The following NLRP5 variants were observed in gnomAD, a reference collection of about 807,000 sequenced individuals.
NLRP5 encodes the protein NLR family pyrin domain containing 5, also known as NACHT, LRR and PYD domains-containing protein 5.
Under a neutral mutation model 113.1 loss-of-function variants are expected in NLRP5, and 93 were observed. The observed-to-expected ratio is 0.82, with a 90% CI of 0.70 to 0.98. The LOEUF (loss-of-function observed/expected upper bound fraction) is 0.98. NLRP5 is among the 50% of genes least tolerant of loss of function. NLRP5 has a pLI of 0.00. For missense variants in NLRP5, 1,808 were observed against 1,514.3 expected (o/e 1.19, Z -3.22); for synonymous variants, 751 against 600.7 (o/e 1.25, Z -3.66).
At position 56,032,527 on chromosome 19, in the gene NLRP5, G is replaced by A. The variant is rs527789634; in HGVS notation, c.2277-84G>A. ...CACCGTGGTCTCACCTCGAGAGCTC[G>A]GTCCCTCTCCTCCGACGTGTTGCCA... On this transcript the variant is annotated intron_variant, in intron 7 of 14. Transcript: ENST00000390649. The A allele has an allele frequency of 4.4e-5, 57 of 1,290,852 alleles. No individual in the cohort carries two copies. In the East Asian group the frequency reaches 8.3e-4, roughly 19 times the overall value. The allele number at this position is 1,290,852 out of a possible 1,614,324, so 80.0% of individuals were successfully genotyped here.
rs1453981429 is a variant in NLRP5 at position 56,058,126 on chromosome 19, T to G, written c.3300-114T>G. 4 of 784,882 alleles carry G rather than the reference T, an allele frequency of 5.1e-6. No homozygotes were observed. In the East Asian group the frequency reaches 1.1e-4, roughly 21 times the overall value. 48.6% of individuals were successfully genotyped at this position (784,882 alleles called of 1,614,324 possible). Reference sequence around the variant, plus strand: ...CCACCAGTTTCATTTTTTGTTTGTTTTTGTTTTGTTTTGTTTTCCCAAAGA... The same window carrying G: ...CCACCAGTTTCATTTTTTGTTTGTTGTTGTTTTGTTTTGTTTTCCCAAAGA... On this transcript the variant is annotated intron_variant, in intron 13 of 14. Coordinates refer to ENST00000390649, the MANE Select transcript of NLRP5 (RefSeq NM_153447.4).
chr19:56,024,512 T>C (rs895986253), intron 6 of NLRP5, among the ~76,000 whole-genome samples: 54 of 63,110 alleles, frequency 8.6e-4, no homozygotes, highest in African/African-American at 3.8e-3. Context: ...TATATGTATA[T>C]GTGTATGTAT....
chr19:56,005,667 A>G (rs1981881642), intron 2 of NLRP5, among the ~76,000 whole-genome samples: 1 of 152,142 alleles, frequency 6.6e-6, no homozygotes, highest in Non-Finnish European at 1.5e-5. Context: ...ATGCCTGCAC[A>G]TCCGTGACCT....
At chr19:56,010,344 G>C (rs757902335) in intron 3 of NLRP5, among the ~76,000 whole-genome samples, 1 of 152,140 alleles carries the variant, frequency 6.6e-6, no homozygotes, top group Non-Finnish European at 1.5e-5. Context: ...TGTTATCCAC[G>C]TACAAAGATG....
At position 56,030,711 on chromosome 19, in the gene NLRP5, C is replaced by CTTTTTTTTTTTTTTTTTTTTTTTTTTT. The variant is rs1251579019; in HGVS notation, c.2277-1898_2277-1897insTTTTTTTTTTTTTTTTTTTTTTTTTTT. ...TATACTTACATTCATTCGCTTTCTT[C>CTTTTTTTTTTTTTTTTTTTTTTTTTTT]TTCTTTTTTTTTTTTTTTTTTGAGA... On this transcript the variant is annotated intron_variant, in intron 7 of 14. Transcript: ENST00000390649. Among the ~76,000 whole-genome samples the CTTTTTTTTTTTTTTTTTTTTTTTTTTT allele has an allele frequency of 6.3e-5, 3 of 47,766 alleles. 1 individual carries two copies. Among genetic ancestry groups the CTTTTTTTTTTTTTTTTTTTTTTTTTTT allele is most frequent in the African/African-American group, 1.8e-4 (1 of 5,600 alleles). The allele number at this position is 47,766 out of a possible 152,430, so 31.3% of individuals were successfully genotyped here.
chr19:56,033,122 G>A (rs1372177974), intron 8 of NLRP5, among the ~76,000 whole-genome samples: 6 of 152,074 alleles, frequency 3.9e-5, no homozygotes, highest in African/African-American at 1.2e-4. Flanking sequence ...ATGGTGGTAC[G>A]TGCCTGTAAT....
At chr19:56,025,877 T>C (rs1384712552) in intron 6 of NLRP5, among the ~76,000 whole-genome samples, 2 of 152,066 alleles carry the variant, frequency 1.3e-5, no homozygotes, top group Non-Finnish European at 1.5e-5. Flanking sequence ...TATGTTGGCA[T>C]ACATCATTCA....
chr19:56,060,033 G>A (rs911191077), intron 14 of NLRP5, among the ~76,000 whole-genome samples: 1 of 152,154 alleles, frequency 6.6e-6, no homozygotes, highest in African/African-American at 2.4e-5. Context: ...TGAGAAACAT[G>A]GCTCAATGAA....
intron 14 of NLRP5, among the ~76,000 whole-genome samples, chr19:56,058,869 A>C (rs1341120059): frequency 6.6e-6 from 1 of 152,230 alleles, no homozygotes; most frequent in African/African-American, 2.4e-5. Context: ...GTATACCAAC[A>C]ATGGAATTGT....
intron 13 of NLRP5, among the ~76,000 whole-genome samples, chr19:56,055,709 C>T (rs1318791873): frequency 6.6e-6 from 1 of 151,606 alleles, no homozygotes. Flanking sequence ...CCACGCCCGG[C>T]TAATTTTTTG....
At chr19:56,024,458 C>A (rs1982749568) in intron 6 of NLRP5, among the ~76,000 whole-genome samples, 1 of 138,582 alleles carries the variant, frequency 7.2e-6, no homozygotes, top group Non-Finnish European at 1.5e-5. Context: ...TATATACGTA[C>A]ATACATATAT....
intron 1 of NLRP5, among the ~76,000 whole-genome samples, chr19:56,002,165 C>CA (rs997301663): frequency 3.9e-5 from 6 of 152,164 alleles, no homozygotes; most frequent in Non-Finnish European, 5.9e-5. Flanking sequence ...TGATTTACGA[C>CA]ATTAATCTTT....
At chr19:56,041,651 AAAC>A (rs745945424) in intron 11 of NLRP5, among the ~76,000 whole-genome samples, 5 of 152,094 alleles carry the variant, frequency 3.3e-5, no homozygotes, top group African/African-American at 1.2e-4. Flanking sequence ...AGGTCATTTT[AAAC>A]AACACTATTG....
intron 2 of NLRP5, among the ~76,000 whole-genome samples, chr19:56,007,904 C>CGTGCGT (rs1981998735): frequency 9.1e-6 from 1 of 110,072 alleles, no homozygotes; most frequent in African/African-American, 3.3e-5. Context: ...TGCGCGCGTG[C>CGTGCGT]GTGTGTGTGT....
At chr19:56,051,395 G>A (rs2637111) in intron 12 of NLRP5, among the ~76,000 whole-genome samples, 64,754 of 151,862 alleles carry the variant, frequency 0.43, 14,731 homozygotes, top group Middle Eastern at 0.56. Context: ...GTTTCACCAT[G>A]TCGGCCAGGC....
chr19:56,059,636 G>A (rs1984281543), intron 14 of NLRP5, among the ~76,000 whole-genome samples: 1 of 152,198 alleles, frequency 6.6e-6, no homozygotes, highest in Non-Finnish European at 1.5e-5. Flanking sequence ...GCAGGTTCAA[G>A]CAATTCTGCT....
At chr19:56,013,079 C>A (rs940881501) in intron 3 of NLRP5, among the ~76,000 whole-genome samples, 16 of 152,172 alleles carry the variant, frequency 1.1e-4, no homozygotes, top group Admixed American at 3.9e-4. Flanking sequence ...CCCTGGAAAC[C>A]AGTCATCCAC....
intron 12 of NLRP5, among the ~76,000 whole-genome samples, chr19:56,051,786 G>C (rs1241741057): frequency 6.6e-6 from 1 of 152,134 alleles, no homozygotes; most frequent in Admixed American, 6.5e-5. Context: ...GAGCATAAAT[G>C]ATTTCATTCC....
At chr19:56,046,424 T>TGTGTGTGTGTG (rs1312407586) in intron 11 of NLRP5, among the ~76,000 whole-genome samples, 1 of 72,630 alleles carries the variant, frequency 1.4e-5, no homozygotes, top group African/African-American at 4.6e-5. Flanking sequence ...GTGTGTGTGT[T>TGTGTGTGTGTG]TCTGTTACGT....
Sources: allele counts gnomAD v4.1 joint callset (sites outside exome capture counted in the v4.1 genomes callset), GRCh38; gene constraint gnomAD v4.1.1; transcripts MANE v1.5; gene names NCBI Gene and HGNC (gene_info 2026-07-23, HGNC 2026-07-21).